RIN2: variants seen among roughly 807,000 people sequenced by gnomAD.
RIN2 encodes the protein RAB5 interacting protein 2.
Under a neutral mutation model 78.0 loss-of-function variants are expected in RIN2, and 36 were observed. That is an observed-to-expected ratio of 0.46 (90% CI 0.35 to 0.61). The LOEUF (loss-of-function observed/expected upper bound fraction) is 0.61, where lower values mean the gene tolerates loss of function less well. RIN2 is among the 20% of genes least tolerant of loss of function. RIN2 has a pLI of 0.00. For synonymous variants in RIN2, 466 were observed against 466.8 expected, an observed-to-expected ratio of 1.00 and a Z score of 0.02; for missense variants, 1,087 against 1,159.7, an observed-to-expected ratio of 0.94 and a Z score of 0.91.
chr20:19,863,525 T>A (rs1329560021), intron 2 of RIN2, among the ~76,000 whole-genome samples: 1 of 152,198 alleles, frequency 6.6e-6, no homozygotes, highest in African/African-American at 2.4e-5. Flanking sequence ...AAGGGATAAC[T>A]CTGAAGCTTG....
rs1322895285 is a variant in RIN2 at position 19,886,730 on chromosome 20, A to G, written c.-36-2836A>G. On this transcript the variant is annotated intron_variant, in intron 2 of 12. Transcript: ENST00000255006. ...CTTCAGGGAAGCCAGGAAAAGAACAAGCTTCCAACCGGTACAAGTCTGGAG... is the reference window on the plus strand; with the variant it reads ...CTTCAGGGAAGCCAGGAAAAGAACAGGCTTCCAACCGGTACAAGTCTGGAG... 2.1e-5 allele frequency: 32 copies of G among 1,548,572 alleles called. No homozygotes were observed. Among genetic ancestry groups the G allele is most frequent in the Middle Eastern group, 1.7e-4 (1 of 6,010 alleles).
chr20:19,818,792 A>G (rs528426224), intron 2 of RIN2, among the ~76,000 whole-genome samples: 1 of 152,264 alleles, frequency 6.6e-6, no homozygotes, highest in Admixed American at 6.5e-5. Context: ...GGATTAAAAG[A>G]TATTTGAAAA....
At chr20:19,935,436 C>G (rs999551850) in intron 4 of RIN2, 4 of 1,268,042 alleles carry the variant, frequency 3.2e-6, no homozygotes, top group Non-Finnish European at 4.0e-6. Context: ...CTCCTGGCAC[C>G]AGAACCCGGA....
chr20:19,970,611 A>G (rs1335521106), intron 7 of RIN2, among the ~76,000 whole-genome samples: 2 of 152,162 alleles, frequency 1.3e-5, no homozygotes, highest in Non-Finnish European at 2.9e-5. Flanking sequence ...TTTGATACTG[A>G]AACTATGCTG....
Position 19,920,697 on chromosome 20 carries a change from A to G in RIN2, c.58-14402A>G, listed in dbSNP as rs113671849. Reference sequence around the variant, plus strand: ...TGTTTTCGTTTTTGTTTTCTTTGAGACAGAGTCTCGCTGTGTTGCCCAGGC... The same window carrying G: ...TGTTTTCGTTTTTGTTTTCTTTGAGGCAGAGTCTCGCTGTGTTGCCCAGGC... On this transcript the variant is annotated intron_variant, in intron 3 of 12. Coordinates refer to ENST00000255006, the MANE Select transcript of RIN2 (RefSeq NM_018993.4). Among the ~76,000 whole-genome samples, 506 of 152,316 alleles carry G rather than the reference A, an allele frequency of 3.3e-3. 3 individuals are homozygous for G. Among genetic ancestry groups the G allele is most frequent in the African/African-American group, 0.012 (498 of 41,556 alleles).
At chr20:19,797,109 G>A (rs949261255) in intron 1 of RIN2, among the ~76,000 whole-genome samples, 1 of 152,204 alleles carries the variant, frequency 6.6e-6, no homozygotes, top group Non-Finnish European at 1.5e-5. Context: ...CACTCAGTAA[G>A]TGAGTGTCCC....
intron 3 of RIN2, among the ~76,000 whole-genome samples, chr20:19,893,059 GAC>G (rs1170219629): frequency 6.6e-6 from 1 of 152,200 alleles, no homozygotes; most frequent in Non-Finnish European, 1.5e-5. Flanking sequence ...CACAGCACCA[GAC>G]ACATAATTAT....
At chr20:19,758,888 T>TC (rs1049751347) in intron 1 of RIN2, among the ~76,000 whole-genome samples, 1 of 151,980 alleles carries the variant, frequency 6.6e-6, no homozygotes, top group Non-Finnish European at 1.5e-5. Flanking sequence ...GGAGATTTCC[T>TC]CCCCCGGGTG....
In RIN2 at chr20:19,800,314, T is replaced by C. The variant is rs149692975; in HGVS notation, c.-37+567T>C. On this transcript the variant is annotated intron_variant, in intron 2 of 12. Coordinates refer to ENST00000255006, the MANE Select transcript of RIN2 (RefSeq NM_018993.4). ...GATGGGATTTCAGTATAGGCCACTATGGCAGATCATATTTTTCAACATGGG... is the reference window on the plus strand; with the variant it reads ...GATGGGATTTCAGTATAGGCCACTACGGCAGATCATATTTTTCAACATGGG... 7.0e-3 allele frequency among the ~76,000 whole-genome samples: 1,062 copies of C among 152,334 alleles called. 10 individuals are homozygous for C. Among genetic ancestry groups the C allele is most frequent in the African/African-American group, 0.024 (1,011 of 41,584 alleles).
At chr20:19,805,315 A>G (rs1054017094) in intron 2 of RIN2, among the ~76,000 whole-genome samples, 5 of 152,232 alleles carry the variant, frequency 3.3e-5, no homozygotes, top group African/African-American at 1.2e-4. Context: ...CAATCCCACC[A>G]TCACTGCGAC....
chr20:19,850,966 C>G (rs766007831), intron 2 of RIN2, among the ~76,000 whole-genome samples: 21 of 134,256 alleles, frequency 1.6e-4, no homozygotes, highest in Non-Finnish European at 3.1e-4. Context: ...AAAAGCAAGA[C>G]TCTGTCAAAA....
In RIN2 at chr20:19,956,814, C is replaced by T. The variant is rs2041562917; in HGVS notation, c.351+7C>T. On this transcript the variant is annotated splice_region_variant and intron_variant, in intron 5 of 12. Transcript: ENST00000255006. Reference sequence around the variant, plus strand: ...GCAGGCCCAGCCTCCGGGGGTAAGACTCAGAACCTCGGGAAGCAGGTTGAA... The same window carrying T: ...GCAGGCCCAGCCTCCGGGGGTAAGATTCAGAACCTCGGGAAGCAGGTTGAA... 6.4e-7 allele frequency: 1 copy of T among 1,550,736 alleles called. No individual in the cohort carries two copies. Among genetic ancestry groups the T allele is most frequent in the African/African-American group, 1.4e-5 (1 of 73,410 alleles).
At position 19,851,014 on chromosome 20, in the gene RIN2, G is replaced by GA. The variant is rs1350825648; in HGVS notation, c.-36-38550dup. On this transcript the variant is annotated intron_variant, in intron 2 of 12. Transcript: ENST00000255006. ...AAAAGGAAGGAAGGAAGGAAGGAAG[G>GA]AAGGAAGGAAGGAAGGAAGGAAGGA... Among the ~76,000 whole-genome samples the GA allele has an allele frequency of 4.8e-4, 46 of 96,336 alleles. 1 individual carries two copies. The highest frequency in any genetic ancestry group is 2.0e-3 in the African/African-American group (46 of 22,546). The allele number at this position is 96,336 out of a possible 152,430, so 63.2% of individuals were successfully genotyped here.
At position 19,831,693 on chromosome 20, in the gene RIN2, C is replaced by T. The variant is rs1311984394; in HGVS notation, c.-37+31946C>T. On this transcript the variant is annotated intron_variant, in intron 2 of 12. Coordinates refer to ENST00000255006, the MANE Select transcript of RIN2 (RefSeq NM_018993.4). ...TTGAACCCATCGTTTATTTAGCAAA[C>T]ATTCGTTGAGCAGGTACAATGAGCT... 2.6e-5 allele frequency among the ~76,000 whole-genome samples: 4 copies of T among 152,118 alleles called. No homozygotes were observed. The East Asian group carries it at 5.8e-4, about 22-fold the overall frequency.
chr20:19,860,893 T>C (rs1430333077), intron 2 of RIN2, among the ~76,000 whole-genome samples: 1 of 152,102 alleles, frequency 6.6e-6, no homozygotes, highest in African/African-American at 2.4e-5. Context: ...AAAAAAGCCA[T>C]AAAAGAGGTG....
chr20:19,766,780 G>T (rs1212583850), intron 1 of RIN2, among the ~76,000 whole-genome samples: 1 of 151,984 alleles, frequency 6.6e-6, no homozygotes, highest in Non-Finnish European at 1.5e-5. Flanking sequence ...AATTAGCTGG[G>T]CGTTGTGGCA....
At chr20:19,850,398 GT>G (rs1568813976) in intron 2 of RIN2, among the ~76,000 whole-genome samples, 3 of 152,234 alleles carry the variant, frequency 2.0e-5, no homozygotes, top group African/African-American at 7.2e-5. Context: ...GAAATGTTAC[GT>G]ATCCCATCAT....
chr20:19,971,898 C>T (rs1290479807), intron 8 of RIN2, among the ~76,000 whole-genome samples: 11 of 152,058 alleles, frequency 7.2e-5, no homozygotes, highest in African/African-American at 1.5e-4. Context: ...CTTGCCACCA[C>T]GCCCAGATAA....
chr20:19,766,995 C>G (rs1226607721), intron 1 of RIN2, among the ~76,000 whole-genome samples: 1 of 151,718 alleles, frequency 6.6e-6, no homozygotes, highest in Non-Finnish European at 1.5e-5. Flanking sequence ...TTTGTAGGGG[C>G]CAAGGGAAAA....
Sources: allele counts gnomAD v4.1 joint callset (sites outside exome capture counted in the v4.1 genomes callset), GRCh38; gene constraint gnomAD v4.1.1; transcripts MANE v1.5; gene names NCBI Gene and HGNC (gene_info 2026-07-23, HGNC 2026-07-21).